Variants in MACROD1 observed in about 807,000 individuals in gnomAD.
MACROD1 encodes the protein mono-ADP ribosylhydrolase 1.
Under a neutral mutation model 41.4 loss-of-function variants are expected in MACROD1, and 31 were observed. That is an observed-to-expected ratio of 0.75 (90% CI 0.56 to 1.01). The LOEUF (loss-of-function observed/expected upper bound fraction) is 1.01. Ranked by LOEUF, MACROD1 falls within the 50% of genes least tolerant of loss-of-function variation. The probability of loss-of-function intolerance (pLI) is 0.00; values close to 1 mark genes in which losing one functional copy is unlikely to be tolerated. For missense variants in MACROD1, 473 were observed against 460.0 expected (o/e 1.03, Z -0.26); for synonymous variants, 252 against 203.4 (o/e 1.24, Z -2.03).
chr11:64,031,307 C>T (rs1309904468), intron 3 of MACROD1, among the ~76,000 whole-genome samples: 1 of 152,126 alleles, frequency 6.6e-6, no homozygotes, highest in African/African-American at 2.4e-5. Flanking sequence ...CTCTCTGGCT[C>T]TCCCTGAAGC....
chr11:64,012,979 C>T (rs1943035288), intron 4 of MACROD1, among the ~76,000 whole-genome samples: 1 of 151,796 alleles, frequency 6.6e-6, no homozygotes, highest in Non-Finnish European at 1.5e-5. Context: ...ACTACAGGCA[C>T]ACATGCTAGC....
At chr11:64,040,609 C>A (rs1220602649) in intron 3 of MACROD1, among the ~76,000 whole-genome samples, 1 of 152,240 alleles carries the variant, frequency 6.6e-6, no homozygotes, top group East Asian at 1.9e-4. Context: ...GTGTGTTCAC[C>A]TGCGTAGACA....
chr11:64,151,090 C>T (rs1029660176), intron 3 of MACROD1, 149 bp downstream of exon 3: 2 of 657,640 alleles, frequency 3.0e-6, no homozygotes, highest in Non-Finnish European at 2.7e-6. Context: ...GTGGCCGACA[C>T]GTTGGGCTGC....
chr11:64,058,405 G>C (rs531679025), intron 3 of MACROD1, among the ~76,000 whole-genome samples: 4 of 144,950 alleles, frequency 2.8e-5, no homozygotes, highest in African/African-American at 5.7e-5. Context: ...GGAGGGCTTG[G>C]GGGGGGGTCC....
intron 5 of MACROD1, 116 bp from the exon 6 acceptor site, chr11:63,999,879 A>AGGAGGCTCAGC: frequency 8.1e-7 from 1 of 1,241,386 alleles, no homozygotes; most frequent in Non-Finnish European, 1.1e-6. Flanking sequence ...CCAAGCGCTG[A>AGGAGGCTCAGC]GCCTCCTCCG....
At chr11:64,114,041 T>C (rs1389819053) in intron 3 of MACROD1, among the ~76,000 whole-genome samples, 1 of 149,098 alleles carries the variant, frequency 6.7e-6, no homozygotes, top group South Asian at 2.2e-4. Context: ...GACAGGTGGA[T>C]GCATGGGTTG....
At chr11:64,027,869 AG>A (rs1335784350) in intron 3 of MACROD1, among the ~76,000 whole-genome samples, 21 of 152,370 alleles carry the variant, frequency 1.4e-4, no homozygotes, top group African/African-American at 5.0e-4. Flanking sequence ...AACTGGAAGA[AG>A]GTGGCACAGC....
chr11:64,096,197 A>G lies in MACROD1; in HGVS notation c.517+55042T>C, dbSNP rs1944573274. ...ACCTGCCTTGGCCAAGGGCCAGCCA[A>G]GAGCACTGTGACGGGCAGGCAGGGG... On this transcript the variant is annotated intron_variant, in intron 3 of 10. Transcript: ENST00000255681. This position sits in a 1 kb window ranked among gnomAD's most constrained non-coding sequence, Gnocchi z 4.6. 6.6e-6 allele frequency among the ~76,000 whole-genome samples: 1 copy of G among 152,234 alleles called. No homozygotes were observed. Among genetic ancestry groups the G allele is most frequent in the Non-Finnish European group, 1.5e-5 (1 of 68,042 alleles).
intron 3 of MACROD1, among the ~76,000 whole-genome samples, chr11:64,091,171 G>A (rs866023899): frequency 7.0e-6 from 1 of 142,552 alleles, no homozygotes; most frequent in African/African-American, 2.6e-5. Flanking sequence ...TGGGGAGGGG[G>A]CCTAAGACTC....
At chr11:64,156,240 C>T (rs1178340357) in intron 1 of MACROD1, among the ~76,000 whole-genome samples, 1 of 152,160 alleles carries the variant, frequency 6.6e-6, no homozygotes, top group Admixed American at 6.5e-5. Flanking sequence ...GTGATTGTGC[C>T]ACTGCACTCC....
chr11:63,999,275 G>T (rs1942773510), intron 8 of MACROD1, 56 bp downstream of exon 8: 1 of 1,526,706 alleles, frequency 6.6e-7, no homozygotes, highest in Admixed American at 1.9e-5. Flanking sequence ...CGATGATGGG[G>T]GCTGGTCACT....
At chr11:64,157,954 G>A (rs1310939796) in intron 1 of MACROD1, among the ~76,000 whole-genome samples, 1 of 152,180 alleles carries the variant, frequency 6.6e-6, no homozygotes, top group Non-Finnish European at 1.5e-5. Context: ...GACGGAGCAC[G>A]CAGCACCTTG....
At chr11:64,133,363 G>C (rs1168363445) in intron 3 of MACROD1, among the ~76,000 whole-genome samples, 1 of 152,218 alleles carries the variant, frequency 6.6e-6, no homozygotes, top group East Asian at 1.9e-4. Flanking sequence ...GACAGAGGGA[G>C]CCAAGAGAGG....
chr11:63,998,560 C>G lies in MACROD1; in HGVS notation c.*158G>C. On this transcript the variant is annotated 3_prime_UTR_variant, in exon 11 of 11. Transcript: ENST00000255681. ...GTCAGAGCTCAGACAGTAGGAGCTG[C>G]CACAACGAGATCTTTATTAGGCTCC... 8.6e-7 allele frequency: 1 copy of G among 1,160,976 alleles called. No homozygotes were observed. The highest frequency in any genetic ancestry group is 1.1e-6 in the Non-Finnish European group (1 of 923,962). 71.9% of individuals were successfully genotyped at this position (1,160,976 alleles called of 1,614,324 possible).
Position 64,118,090 on chromosome 11 carries a change from A to G in MACROD1, c.517+33149T>C, listed in dbSNP as rs763578691. On this transcript the variant is annotated intron_variant, in intron 3 of 10. Coordinates refer to ENST00000255681, the MANE Select transcript of MACROD1 (RefSeq NM_014067.4). ...TATATGGAGTCAGGGACCAAGAAGG[A>G]TAACTCCATCCTGGAAATCCGCGGC... The G allele has an allele frequency of 9.9e-6, 16 of 1,611,962 alleles. No individual in the cohort carries two copies. The highest frequency in any genetic ancestry group is 1.3e-5 in the Non-Finnish European group (15 of 1,178,498).
chr11:64,071,536 A>C (rs1231040552), intron 3 of MACROD1, among the ~76,000 whole-genome samples: 1 of 151,996 alleles, frequency 6.6e-6, no homozygotes, highest in Non-Finnish European at 1.5e-5. Flanking sequence ...ATCCCAGACC[A>C]GGGGCCCACT....
chr11:64,004,947 G>A (rs535521552), intron 4 of MACROD1, among the ~76,000 whole-genome samples: 1 of 152,138 alleles, frequency 6.6e-6, no homozygotes, highest in Non-Finnish European at 1.5e-5. Context: ...AGGGGGATGG[G>A]AGACTGAGGG....
chr11:64,034,799 G>A (rs574182545), intron 3 of MACROD1, among the ~76,000 whole-genome samples: 3 of 152,336 alleles, frequency 2.0e-5, no homozygotes, highest in African/African-American at 7.2e-5. Flanking sequence ...GAGCACTGGG[G>A]CCCTGGTGGG....
chr11:64,076,468 G>A (rs1944203504), intron 3 of MACROD1, among the ~76,000 whole-genome samples: 1 of 152,094 alleles, frequency 6.6e-6, no homozygotes, highest in Non-Finnish European at 1.5e-5. Flanking sequence ...ATGGACGGAC[G>A]GACGAATGGA....
Sources: allele counts gnomAD v4.1 joint callset (sites outside exome capture counted in the v4.1 genomes callset), GRCh38; gene constraint gnomAD v4.1.1; non-coding constraint Gnocchi (gnomAD v3.1); transcripts MANE v1.5; gene names NCBI Gene and HGNC (gene_info 2026-07-23, HGNC 2026-07-21).